Variants in EML6 observed in about 807,000 individuals in gnomAD.
The protein encoded by EML6 is EMAP like 6.
A neutral mutation model predicts 240.1 loss-of-function variants in EML6; 154 were observed. The ratio of observed to expected loss-of-function variants is 0.64; its 90% CI spans 0.56 to 0.73. The LOEUF is 0.73. Among genes scored for constraint, EML6 ranks in the 30% least tolerant of loss-of-function variants. The pLI, the probability that EML6 is intolerant of heterozygous loss-of-function variation, is 0.00. For synonymous variants in EML6, 1,148 were observed against 899.0 expected (o/e 1.28, Z -4.95); for missense variants, 2,964 against 2,474.6 (o/e 1.20, Z -4.20).
intron 41 of EML6, among the ~76,000 whole-genome samples, chr2:54,969,020 CTG>C (rs1218238560): frequency 1.3e-5 from 2 of 152,164 alleles, no homozygotes; most frequent in Non-Finnish European, 2.9e-5. Flanking sequence ...GATAGCTACT[CTG>C]GGCACTGCTG....
At chr2:54,782,348 A>G (rs777910234) in intron 2 of EML6, among the ~76,000 whole-genome samples, 33 of 152,156 alleles carry the variant, frequency 2.2e-4, no homozygotes, top group Non-Finnish European at 4.3e-4. Flanking sequence ...TCAAATTTTT[A>G]TATTGGGAAG....
At chr2:54,911,740 A>C (rs947418867) in intron 25 of EML6, among the ~76,000 whole-genome samples, 1 of 152,190 alleles carries the variant, frequency 6.6e-6, no homozygotes. Context: ...TCCAGCCTGG[A>C]AATTATTTTT....
rs1009246057 is a variant in EML6 at position 54,877,461 on chromosome 2, A to T, written c.2345-2086A>T. 8.1e-4 allele frequency among the ~76,000 whole-genome samples: 12 copies of T among 14,790 alleles called. 1 individual carries two copies. The highest frequency in any genetic ancestry group is 6.7e-3 in the African/African-American group (11 of 1,630). The allele number at this position is 14,790 out of a possible 152,430, so 9.7% of individuals were successfully genotyped here. A position where few individuals can be genotyped will look rare whatever the true frequency, so the allele number is the denominator to read the frequency against. On this transcript the variant is annotated intron_variant, in intron 16 of 41. Coordinates refer to ENST00000356458, the MANE Select transcript of EML6 (RefSeq NM_001039753.4). The stretch of plus-strand genomic sequence containing the variant: ...TGTGATAAGATTATTAAAAGTCTTA[A>T]AAAAAAGCTTATGATATTAAAAAAG...
At chr2:54,917,489 G>C (rs753942937) in intron 26 of EML6, among the ~76,000 whole-genome samples, 2 of 150,992 alleles carry the variant, frequency 1.3e-5, no homozygotes, top group African/African-American at 2.4e-5. Flanking sequence ...TCAGCCTCCC[G>C]AGTAGCTGGA....
chr2:54,828,792 T>C (rs993867651), intron 6 of EML6, among the ~76,000 whole-genome samples: 1 of 152,246 alleles, frequency 6.6e-6, no homozygotes, highest in African/African-American at 2.4e-5. Context: ...ATCTTGAAAT[T>C]CCTAAAACTA....
At chr2:54,833,896 C>T (rs1056054709) in intron 7 of EML6, among the ~76,000 whole-genome samples, 3 of 152,164 alleles carry the variant, frequency 2.0e-5, no homozygotes, top group Non-Finnish European at 4.4e-5. Flanking sequence ...AATTCGGCAG[C>T]AAAACTTGAC....
chr2:54,969,979 GA>G (rs1676918720), intron 41 of EML6, 91 bp from the exon 42 acceptor site: 1 of 1,368,092 alleles, frequency 7.3e-7, no homozygotes, highest in Non-Finnish European at 1.0e-6. Flanking sequence ...ACCCGAGCTT[GA>G]CTTTTGAGCA....
intron 2 of EML6, among the ~76,000 whole-genome samples, chr2:54,792,171 A>T (rs1276637441): frequency 1.3e-5 from 2 of 152,112 alleles, no homozygotes; most frequent in African/African-American, 4.8e-5. Flanking sequence ...AAAGCCATAT[A>T]TTTCTCTGTA....
At chr2:54,959,394 GCTCT>G (rs755535959) in intron 34 of EML6, 133 bp downstream of exon 34, 1 of 846,632 alleles carries the variant, frequency 1.2e-6, no homozygotes, top group Admixed American at 3.0e-5. Context: ...AGATCAGTCT[GCTCT>G]CTCTCCAAGA....
chr2:54,924,553 T>TA (rs200000188), intron 26 of EML6, among the ~76,000 whole-genome samples: 6 of 151,990 alleles, frequency 3.9e-5, no homozygotes, highest in Admixed American at 1.3e-4. Flanking sequence ...TTATTTTTTT[T>TA]TAAAAAAATT....
chr2:54,842,252 C>A (rs1333379039), intron 7 of EML6, among the ~76,000 whole-genome samples: 1 of 152,224 alleles, frequency 6.6e-6, no homozygotes, highest in African/African-American at 2.4e-5. Context: ...ATTTATCTCT[C>A]TGCCCCAGAT....
At position 54,842,596 on chromosome 2, in the gene EML6, G is replaced by A. The variant is rs1002856837; in HGVS notation, c.848-1451G>A. 8.5e-5 allele frequency among the ~76,000 whole-genome samples: 13 copies of A among 152,300 alleles called. No homozygotes were observed. The East Asian group carries it at 2.1e-3, about 25-fold the overall frequency. On this transcript the variant is annotated intron_variant, in intron 7 of 41. Transcript: ENST00000356458. ...CTATCCCAGAGACACAGTGCCTGCT[G>A]GGGAGGCAAATTGGAGCCCATCACA...
At chr2:54,886,139 CTTTTTT>C (rs34063699) in intron 17 of EML6, among the ~76,000 whole-genome samples, 2 of 125,482 alleles carry the variant, frequency 1.6e-5, no homozygotes, top group African/African-American at 5.9e-5. Context: ...CAAATGTTTC[CTTTTTT>C]TTTTTTTTAA....
rs1013597152 is a variant in EML6 at position 54,923,460 on chromosome 2, C to T, written c.3676-4853C>T. ...ATTACCTTGATTGTAGTAATTATTTCACAATGTATGCATATATCAGATTCT... is the reference window on the plus strand; with the variant it reads ...ATTACCTTGATTGTAGTAATTATTTTACAATGTATGCATATATCAGATTCT... On this transcript the variant is annotated intron_variant, in intron 26 of 41. Transcript: ENST00000356458. Among the ~76,000 whole-genome samples the T allele has an allele frequency of 2.6e-5, 4 of 151,206 alleles. No homozygotes were observed. The East Asian group carries it at 7.8e-4, about 29-fold the overall frequency.
chr2:54,855,362 T>A (rs892420319), intron 11 of EML6, among the ~76,000 whole-genome samples: 28 of 152,126 alleles, frequency 1.8e-4, no homozygotes, highest in Non-Finnish European at 3.2e-4. Flanking sequence ...CAAGCAGATC[T>A]CATGAAAATT....
intron 28 of EML6, among the ~76,000 whole-genome samples, chr2:54,938,009 A>G (rs956215825): frequency 6.6e-6 from 1 of 152,194 alleles, no homozygotes; most frequent in East Asian, 1.9e-4. Context: ...TCCTCACAGG[A>G]CAGTGATGTT....
chr2:54,840,694 C>T (rs1392346230), intron 7 of EML6, among the ~76,000 whole-genome samples: 1 of 152,180 alleles, frequency 6.6e-6, no homozygotes, highest in Admixed American at 6.5e-5. Flanking sequence ...TGTTTTATTT[C>T]ATTTGCTCAG....
At chr2:54,963,721 C>G (rs1426941105) in intron 36 of EML6, among the ~76,000 whole-genome samples, 1 of 152,258 alleles carries the variant, frequency 6.6e-6, no homozygotes, top group Non-Finnish European at 1.5e-5. Flanking sequence ...CTATGGCCCA[C>G]AGAGTCTAAA....
intron 7 of EML6, among the ~76,000 whole-genome samples, chr2:54,836,806 T>TG (rs769471521): frequency 2.6e-5 from 4 of 152,206 alleles, no homozygotes; most frequent in Non-Finnish European, 2.9e-5. Flanking sequence ...TGTTTTGCAC[T>TG]GGGCTCCAAA....
Sources: allele counts gnomAD v4.1 joint callset (sites outside exome capture counted in the v4.1 genomes callset), GRCh38; gene constraint gnomAD v4.1.1; transcripts MANE v1.5; gene names NCBI Gene and HGNC (gene_info 2026-07-23, HGNC 2026-07-21).